Variants in XRCC4 observed in about 807,000 individuals in gnomAD.
XRCC4 encodes the protein DNA repair protein XRCC4.
A neutral mutation model predicts 39.1 loss-of-function variants in XRCC4; 28 were observed. The observed-to-expected ratio is 0.72, with a 90% CI of 0.53 to 0.98. The LOEUF is 0.98. XRCC4 is among the 50% of genes least tolerant of loss of function. The probability of loss-of-function intolerance (pLI) is 0.00; values close to 1 mark genes in which losing one functional copy is unlikely to be tolerated. For synonymous variants in XRCC4, 123 were observed against 126.4 expected, an observed-to-expected ratio of 0.97 and a Z score of 0.18; for missense variants, 350 against 376.4, an observed-to-expected ratio of 0.93 and a Z score of 0.58.
intron 7 of XRCC4, among the ~76,000 whole-genome samples, chr5:83,276,468 A>G (rs1219618517): frequency 1.3e-5 from 2 of 152,066 alleles, no homozygotes; most frequent in Non-Finnish European, 2.9e-5. Context: ...TAATGCATTA[A>G]TGGGTTATCA....
intron 3 of XRCC4, among the ~76,000 whole-genome samples, chr5:83,129,601 T>C (rs1450827832): frequency 2.0e-5 from 3 of 152,060 alleles, no homozygotes; most frequent in Non-Finnish European, 4.4e-5. Context: ...ATTCTTCCTA[T>C]CCATGAGCAT....
At chr5:83,086,595 T>C (rs1203742148) in intron 1 of XRCC4, among the ~76,000 whole-genome samples, 1 of 151,110 alleles carries the variant, frequency 6.6e-6, no homozygotes, top group Non-Finnish European at 1.5e-5. Context: ...GTCTCTGGGC[T>C]GGCAGAGGTG....
intron 6 of XRCC4, among the ~76,000 whole-genome samples, chr5:83,251,581 A>G (rs1472491349): frequency 6.6e-6 from 1 of 152,114 alleles, no homozygotes; most frequent in Non-Finnish European, 1.5e-5. Flanking sequence ...GCGTAGAACA[A>G]TAAATATCTA....
At chr5:83,200,442 A>C (rs16900225) in intron 4 of XRCC4, among the ~76,000 whole-genome samples, 11,676 of 152,252 alleles carry the variant, frequency 0.077, 845 homozygotes, top group African/African-American at 0.19. Flanking sequence ...CCTGTCACAG[A>C]AATGTTTCCT....
At chr5:83,085,750 A>G (rs7714710) in intron 1 of XRCC4, among the ~76,000 whole-genome samples, 76,138 of 151,978 alleles carry the variant, frequency 0.5, 20,124 homozygotes, top group African/African-American at 0.67. Context: ...TACTCTGATA[A>G]CTTCTTAAAT....
intron 7 of XRCC4, among the ~76,000 whole-genome samples, chr5:83,293,377 C>T (rs1754989659): frequency 6.6e-6 from 1 of 151,988 alleles, no homozygotes; most frequent in Non-Finnish European, 1.5e-5. Context: ...TCACATATAT[C>T]TGTCATCTCA....
intron 3 of XRCC4, among the ~76,000 whole-genome samples, chr5:83,183,402 T>C (rs1048241068): frequency 7.2e-6 from 1 of 139,506 alleles, no homozygotes; most frequent in Non-Finnish European, 1.5e-5. Flanking sequence ...GTCTCCTATT[T>C]TTCATTTATT....
intron 7 of XRCC4, among the ~76,000 whole-genome samples, chr5:83,313,379 T>C (rs1755772349): frequency 6.6e-6 from 1 of 152,136 alleles, no homozygotes; most frequent in African/African-American, 2.4e-5. Context: ...CCATTCTTGG[T>C]AATGAGATTT....
intron 3 of XRCC4, among the ~76,000 whole-genome samples, chr5:83,165,340 A>G (rs1160232053): frequency 2.6e-5 from 4 of 152,194 alleles, no homozygotes; most frequent in Non-Finnish European, 5.9e-5. Context: ...TATTATAGAT[A>G]CAATTCCAAT....
At chr5:83,140,458 C>G (rs28383163) in intron 3 of XRCC4, among the ~76,000 whole-genome samples, 2,213 of 152,284 alleles carry the variant, frequency 0.015, 63 homozygotes, top group African/African-American at 0.051. Flanking sequence ...TCTAGCCGCA[C>G]TGGCAGCCCA....
chr5:83,147,842 G>T (rs1331286458), intron 3 of XRCC4, among the ~76,000 whole-genome samples: 1 of 151,278 alleles, frequency 6.6e-6, no homozygotes, highest in Non-Finnish European at 1.5e-5. Context: ...CCAGGCTGGG[G>T]TGCAGTGGCA....
chr5:83,300,545 T>TG (rs1491431094), intron 7 of XRCC4, among the ~76,000 whole-genome samples: 28 of 80,612 alleles, frequency 3.5e-4, no homozygotes, highest in Non-Finnish European at 4.7e-4. Context: ...TTATCTTTTG[T>TG]TTGTGTGTGT....
intron 3 of XRCC4, among the ~76,000 whole-genome samples, chr5:83,178,778 GT>G (rs1173838762): frequency 6.6e-6 from 1 of 152,158 alleles, no homozygotes; most frequent in Non-Finnish European, 1.5e-5. Context: ...CGACATCAGA[GT>G]TTTTGATGTG....
chr5:83,137,021 A>C (rs1309603908), intron 3 of XRCC4, among the ~76,000 whole-genome samples: 2 of 152,182 alleles, frequency 1.3e-5, no homozygotes, highest in East Asian at 3.9e-4. Flanking sequence ...TGATTATTTC[A>C]CATTGTAGAC....
chr5:83,320,655 A>C (rs972333934), intron 7 of XRCC4, among the ~76,000 whole-genome samples: 15 of 152,014 alleles, frequency 9.9e-5, no homozygotes, highest in Non-Finnish European at 1.8e-4. Flanking sequence ...ACAGCCACTT[A>C]ATACCTTTGG....
chr5:83,100,938 G>A (rs1167356993), intron 1 of XRCC4, among the ~76,000 whole-genome samples: 3 of 152,000 alleles, frequency 2.0e-5, no homozygotes, highest in Non-Finnish European at 4.4e-5. Flanking sequence ...TCAGAATTAA[G>A]CACATCTAGG....
Position 83,338,107 on chromosome 5 carries a change from ATAGATGGT to A in XRCC4, c.894-15018_894-15011del, listed in dbSNP as rs1756646696. Among the ~76,000 whole-genome samples, 4 of 152,230 alleles carry A rather than the reference ATAGATGGT, an allele frequency of 2.6e-5. No individual in the cohort carries two copies. In the South Asian group the frequency reaches 8.3e-4, roughly 32 times the overall value. ...CAAGAAGTTTGGTGTGGAAAGAGCA[ATAGATGGT>A]TAGATCCAGAATGGTAGTCAAGAAG... On this transcript the variant is annotated intron_variant, in intron 7 of 7. Coordinates refer to ENST00000396027, the MANE Select transcript of XRCC4 (RefSeq NM_003401.5).
At chr5:83,203,780 C>T (rs1751310103) in intron 5 of XRCC4, 73 bp downstream of exon 5, 6 of 1,536,554 alleles carry the variant, frequency 3.9e-6, no homozygotes, top group Non-Finnish European at 2.7e-6. Context: ...AGTTAATGAA[C>T]ATTAGATGCC....
chr5:83,080,396 T>C (rs1377610700), intron 1 of XRCC4, among the ~76,000 whole-genome samples: 1 of 151,992 alleles, frequency 6.6e-6, no homozygotes, highest in Non-Finnish European at 1.5e-5. Context: ...CGTGGTGGCA[T>C]GTGCCTGTAG....
Sources: gnomAD v4.1 joint callset for allele counts (sites outside exome capture counted in the v4.1 genomes callset) on GRCh38, gnomAD v4.1.1 for gene constraint, MANE v1.5 for transcripts, NCBI Gene and HGNC (gene_info 2026-07-23, HGNC 2026-07-21) for gene names.